The following MGAT4C variants were observed in gnomAD, a reference collection of about 807,000 sequenced individuals.
The protein encoded by MGAT4C is alpha-1,3-mannosyl-glycoprotein 4-beta-N-acetylglucosaminyltransferase C.
Under a neutral mutation model 40.1 loss-of-function variants are expected in MGAT4C, and 19 were observed. That is an observed-to-expected ratio of 0.47 (90% CI 0.33 to 0.70). MGAT4C has a LOEUF of 0.70. MGAT4C is among the 30% of genes least tolerant of loss of function. The pLI, the probability that MGAT4C is intolerant of heterozygous loss-of-function variation, is 0.02. For synonymous variants in MGAT4C, 181 were observed against 187.1 expected (o/e 0.97, Z 0.27); for missense variants, 491 against 563.2 (o/e 0.87, Z 1.30).
chr12:86,062,727 A>G (rs374092948), intron 1 of MGAT4C, among the ~76,000 whole-genome samples: 1 of 151,946 alleles, frequency 6.6e-6, no homozygotes, highest in African/African-American at 2.4e-5. Context: ...CATGAAGCAT[A>G]CACAAGTATC....
chr12:86,237,230 T>C (rs1368381213), intron 1 of MGAT4C, among the ~76,000 whole-genome samples: 1 of 151,616 alleles, frequency 6.6e-6, no homozygotes, highest in African/African-American at 2.4e-5. Flanking sequence ...AAGTTCCGGA[T>C]ATAGATAACC....
At chr12:86,698,699 T>A (rs1271343191) in intron 2 of MGAT4C, among the ~76,000 whole-genome samples, 2 of 152,052 alleles carry the variant, frequency 1.3e-5, no homozygotes, top group African/African-American at 2.4e-5. Context: ...GGTATTCTGT[T>A]GATTTATGTA....
intron 1 of MGAT4C, among the ~76,000 whole-genome samples, chr12:86,746,092 T>C (rs543737115): frequency 2.0e-5 from 3 of 151,780 alleles, no homozygotes; most frequent in Non-Finnish European, 4.4e-5. Context: ...TCCCAGTGAG[T>C]AGTCAATGCA....
At chr12:86,186,754 A>G (rs558881706) in intron 1 of MGAT4C, among the ~76,000 whole-genome samples, 2 of 152,234 alleles carry the variant, frequency 1.3e-5, no homozygotes, top group East Asian at 1.9e-4. Flanking sequence ...CAAGCTTATC[A>G]TGAGTAGAGT....
intron 1 of MGAT4C, among the ~76,000 whole-genome samples, chr12:86,817,207 TTTG>T (rs1339776510): frequency 1.3e-5 from 2 of 151,336 alleles, no homozygotes; most frequent in Middle Eastern, 3.2e-3. Context: ...ATTTAATACT[TTTG>T]TTGTCATTCA....
chr12:86,729,162 A>G (rs1950869998), intron 1 of MGAT4C, among the ~76,000 whole-genome samples: 1 of 152,172 alleles, frequency 6.6e-6, no homozygotes, highest in African/African-American at 2.4e-5. Context: ...ACCACAGGGT[A>G]AGTATAGTCA....
At chr12:86,589,540 C>A (rs1355413966) in intron 2 of MGAT4C, among the ~76,000 whole-genome samples, 2 of 151,928 alleles carry the variant, frequency 1.3e-5, no homozygotes, top group Non-Finnish European at 2.9e-5. Context: ...GGAATCCTCC[C>A]TAACTCATTT....
intron 1 of MGAT4C, among the ~76,000 whole-genome samples, chr12:86,186,782 T>C (rs1251995980): frequency 1.3e-5 from 2 of 152,114 alleles, no homozygotes; most frequent in African/African-American, 4.8e-5. Flanking sequence ...AGGCCTTTCC[T>C]GTGTTCGTAA....
intron 2 of MGAT4C, among the ~76,000 whole-genome samples, chr12:86,587,259 T>C (rs991865118): frequency 4.6e-5 from 7 of 152,032 alleles, no homozygotes; most frequent in Non-Finnish European, 7.4e-5. Context: ...GATCAGATAG[T>C]TGTAGATATG....
chr12:86,572,254 TA>T (rs1163831967), intron 2 of MGAT4C, among the ~76,000 whole-genome samples: 4 of 152,088 alleles, frequency 2.6e-5, no homozygotes, highest in Non-Finnish European at 5.9e-5. Flanking sequence ...TAAAAATATA[TA>T]AATCAACACA....
chr12:85,957,657 C>CAAAAAAAAAAAAAAA lies in MGAT4C; in HGVS notation c.*21617_*21631dup, dbSNP rs5799763. ...TTTACTGTAGAGTTGAATAAGAAAG[C>CAAAAAAAAAAAAAAA]AAAAAAAAAAAAAAAAGAAAAAAGA... is the stretch of plus-strand genomic sequence containing the variant. On this transcript the variant is annotated 3_prime_UTR_variant, in exon 5 of 5. Coordinates refer to ENST00000611864, the MANE Select transcript of MGAT4C (RefSeq NM_001351288.2). 4.9e-4 allele frequency: 50 copies of CAAAAAAAAAAAAAAA among 101,208 alleles called. No homozygotes were observed. Among genetic ancestry groups the CAAAAAAAAAAAAAAA allele is most frequent in the Non-Finnish European group, 7.2e-4 (38 of 52,678 alleles). 6.3% of individuals were successfully genotyped at this position (101,208 alleles called of 1,614,324 possible). A position where few individuals can be genotyped will look rare whatever the true frequency, so the allele number is the denominator to read the frequency against.
chr12:86,138,384 C>T (rs977161807), intron 1 of MGAT4C, among the ~76,000 whole-genome samples: 1 of 150,850 alleles, frequency 6.6e-6, no homozygotes, highest in African/African-American at 2.4e-5. Flanking sequence ...TCAGGATTCC[C>T]ACTTGGATAT....
At chr12:86,542,995 C>T (rs1193564421) in intron 2 of MGAT4C, among the ~76,000 whole-genome samples, 2 of 152,036 alleles carry the variant, frequency 1.3e-5, no homozygotes, top group African/African-American at 4.8e-5. Context: ...TAAAGCCTCC[C>T]ATTAATATAT....
intron 2 of MGAT4C, among the ~76,000 whole-genome samples, chr12:86,652,984 T>C (rs1488134814): frequency 6.6e-6 from 1 of 151,958 alleles, no homozygotes; most frequent in Non-Finnish European, 1.5e-5. Context: ...AACAGAATTA[T>C]TCTTTTCTAG....
Position 86,286,270 on chromosome 12 carries a change from G to A in MGAT4C, c.-57+47795C>T, listed in dbSNP as rs146680957. Among the ~76,000 whole-genome samples, 892 of 152,198 alleles carry A rather than the reference G, an allele frequency of 5.9e-3. 4 individuals are homozygous for A. The highest frequency in any genetic ancestry group is 0.01 in the Middle Eastern group (3 of 294). ...TGGCTTAAATTTGAGTGTGTCACAT[G>A]TGATAAAATGTTAGCAGTAAAAAGA... On this transcript the variant is annotated intron_variant, in intron 4 of 7. Coordinates refer to the MGAT4C transcript ENST00000548651.
intron 1 of MGAT4C, among the ~76,000 whole-genome samples, chr12:86,821,982 AAAT>A (rs1462144907): frequency 4.7e-5 from 7 of 147,770 alleles, no homozygotes; most frequent in Non-Finnish European, 1.1e-4. Context: ...AAAGTATTAA[AAAT>A]AATGATAACT....
At chr12:86,509,037 T>C (rs1209507139) in intron 2 of MGAT4C, among the ~76,000 whole-genome samples, 2 of 152,122 alleles carry the variant, frequency 1.3e-5, no homozygotes, top group Non-Finnish European at 2.9e-5. Context: ...GGTAGTTTCT[T>C]TTGCTGTGCA....
chr12:86,782,380 A>C (rs1465769748), intron 1 of MGAT4C, among the ~76,000 whole-genome samples: 1 of 151,658 alleles, frequency 6.6e-6, no homozygotes, highest in Non-Finnish European at 1.5e-5. Flanking sequence ...ACAGGGTTTC[A>C]CCATGTTAGC....
At chr12:86,393,779 G>A (rs1956198279) in intron 3 of MGAT4C, among the ~76,000 whole-genome samples, 1 of 86,736 alleles carries the variant, frequency 1.2e-5, no homozygotes, top group African/African-American at 3.3e-5. Context: ...ATGGTGATTA[G>A]CCATAGGCAT....
Sources: gnomAD v4.1 joint callset for allele counts (sites outside exome capture counted in the v4.1 genomes callset) on GRCh38, gnomAD v4.1.1 for gene constraint, MANE v1.5 for transcripts, NCBI Gene and HGNC (gene_info 2026-07-23, HGNC 2026-07-21) for gene names.